Variants in GALNT1 observed in about 807,000 individuals in gnomAD.
GALNT1 encodes polypeptide N-acetylgalactosaminyltransferase 1.
Under a neutral mutation model 65.7 loss-of-function variants are expected in GALNT1, and 17 were observed. The observed-to-expected ratio is 0.26, with a 90% CI of 0.18 to 0.39. GALNT1 has a LOEUF of 0.39. Ranked by LOEUF, GALNT1 falls within the 10% of genes least tolerant of loss-of-function variation. The pLI is 1.00. For synonymous variants in GALNT1, 210 were observed against 219.7 expected (o/e 0.96, Z 0.39); for missense variants, 460 against 672.8 (o/e 0.68, Z 3.50).
rs921371695 is a variant in GALNT1 at position 35,691,148 on chromosome 18, T to C, written c.1115T>C (p.Val372Ala). 2 of 1,602,794 alleles carry C rather than the reference T, an allele frequency of 1.2e-6. No individual in the cohort carries two copies. Among genetic ancestry groups the C allele is most frequent in the African/African-American group, 2.7e-5 (2 of 74,140 alleles). ...AAAAATAACAGACGACTTGCAGAAG[T>C]GTGGATGGATGAATTCAAGAATTTC... ...INKNNRRLAE[V>A]WMDEFKNFFY... Residue 372 changes from valine to alanine, a missense_variant, in exon 8 of 12, where the codon GTG becomes GCG. Coordinates refer to ENST00000269195, the MANE Select transcript of GALNT1 (RefSeq NM_020474.4).
At chr18:35,698,048 GGGTTTATTA>G (rs1425352629) in intron 9 of GALNT1, among the ~76,000 whole-genome samples, 1 of 152,184 alleles carries the variant, frequency 6.6e-6, no homozygotes, top group Non-Finnish European at 1.5e-5. Flanking sequence ...GTGAGAACTT[GGGTTTATTA>G]GCATGTTGTG....
intron 5 of GALNT1, among the ~76,000 whole-genome samples, chr18:35,686,285 T>C (rs966440959): frequency 6.6e-6 from 1 of 152,200 alleles, no homozygotes. Flanking sequence ...CCCAAATTCA[T>C]ATATAAATTC....
Position 35,581,830 on chromosome 18 carries a change from GCCTGC to G in GALNT1, c.-134_-130del, listed in dbSNP as rs2046321916. 4.4e-4 allele frequency: 1 copy of G among 2,294 alleles called. No homozygotes were observed. The highest frequency in any genetic ancestry group is 6.2e-3 in the Admixed American group (1 of 162). The allele number at this position is 2,294 out of a possible 1,614,324, so 0.1% of individuals were successfully genotyped here. ...GACCGCCGCGGCCGGCCCGGAGGAC[GCCTGC>G]CGCCGCCGCCGCCGCGCGCCTAGCG... On this transcript the variant is annotated 5_prime_UTR_variant, in exon 1 of 12. Transcript: ENST00000269195.
At chr18:35,604,623 T>C (rs778969233) in intron 1 of GALNT1, among the ~76,000 whole-genome samples, 1 of 152,176 alleles carries the variant, frequency 6.6e-6, no homozygotes, top group African/African-American at 2.4e-5. Flanking sequence ...TGGTGTGAGG[T>C]GATATCTCAC....
intron 1 of GALNT1, among the ~76,000 whole-genome samples, chr18:35,642,819 G>A (rs2047181774): frequency 6.6e-6 from 1 of 152,088 alleles, no homozygotes; most frequent in South Asian, 2.1e-4. Context: ...AGCAGAAAAG[G>A]GGACTAATAG....
Position 35,692,131 on chromosome 18 carries a change from G to A in GALNT1, c.1160-50G>A, listed in dbSNP as rs766802973. ...TATTAGATTCAATATATAAACATGT[G>A]TTACCTAAAACAACACTAATAATTC... On this transcript the variant is annotated intron_variant, in intron 8 of 11. Coordinates refer to ENST00000269195, the MANE Select transcript of GALNT1 (RefSeq NM_020474.4). 9.3e-5 allele frequency: 140 copies of A among 1,506,374 alleles called. 1 individual carries two copies. Among genetic ancestry groups the A allele is most frequent in the Non-Finnish European group, 1.1e-4 (118 of 1,090,688 alleles). 93.3% of individuals were successfully genotyped at this position (1,506,374 alleles called of 1,614,324 possible). A position where few individuals can be genotyped will look rare whatever the true frequency, so the allele number is the denominator to read the frequency against.
intron 9 of GALNT1, among the ~76,000 whole-genome samples, chr18:35,692,544 A>T (rs2047985308): frequency 6.6e-6 from 1 of 151,846 alleles, no homozygotes; most frequent in South Asian, 2.1e-4. Flanking sequence ...ATGCGCCTGG[A>T]GATAAGCTGT....
intron 1 of GALNT1, among the ~76,000 whole-genome samples, chr18:35,637,124 C>T (rs1347797183): frequency 6.6e-6 from 1 of 152,096 alleles, no homozygotes; most frequent in African/African-American, 2.4e-5. Flanking sequence ...CCCTGTTCCC[C>T]AAGATACAAC....
intron 1 of GALNT1, among the ~76,000 whole-genome samples, chr18:35,643,809 G>A (rs867367009): frequency 1.1e-3 from 158 of 145,362 alleles, no homozygotes; most frequent in South Asian, 5.9e-3. Flanking sequence ...AAAAAAAAAA[G>A]AAAAAAAAAC....
At chr18:35,649,960 G>A (rs933385440) in intron 1 of GALNT1, among the ~76,000 whole-genome samples, 3 of 152,122 alleles carry the variant, frequency 2.0e-5, no homozygotes, top group African/African-American at 7.2e-5. Context: ...CAGTGCCTTT[G>A]CTGTGCCGAA....
intron 2 of GALNT1, among the ~76,000 whole-genome samples, chr18:35,660,134 A>G (rs1299349419): frequency 2.0e-5 from 3 of 152,220 alleles, no homozygotes; most frequent in African/African-American, 4.8e-5. Flanking sequence ...GCATAAGGAC[A>G]GTAAAAATGT....
intron 1 of GALNT1, chr18:35,595,965 A>C (rs962599581): frequency 6.6e-6 from 1 of 152,202 alleles, no homozygotes; most frequent in Non-Finnish European, 1.5e-5. Flanking sequence ...GCATTTTTAA[A>C]AAGTTAAATT....
intron 1 of GALNT1, among the ~76,000 whole-genome samples, chr18:35,633,491 C>T (rs1490746562): frequency 1.5e-5 from 2 of 137,572 alleles, no homozygotes; most frequent in Admixed American, 8.5e-5. Context: ...GGGAACTGAA[C>T]AATGAGAACA....
At chr18:35,620,147 T>G (rs376094737) in intron 1 of GALNT1, among the ~76,000 whole-genome samples, 3 of 152,312 alleles carry the variant, frequency 2.0e-5, no homozygotes, top group East Asian at 3.9e-4. Context: ...CTTTCTGTGT[T>G]GCAGTCTTTA....
intron 1 of GALNT1, among the ~76,000 whole-genome samples, chr18:35,645,068 T>C (rs1423441065): frequency 6.6e-6 from 1 of 152,078 alleles, no homozygotes; most frequent in Non-Finnish European, 1.5e-5. Flanking sequence ...TTGATAAGAA[T>C]TATATTGAAT....
At chr18:35,616,511 T>C (rs2046785311) in intron 1 of GALNT1, among the ~76,000 whole-genome samples, 2 of 152,188 alleles carry the variant, frequency 1.3e-5, no homozygotes, top group Non-Finnish European at 2.9e-5. Context: ...CTTTGGACAC[T>C]GGGTGTTTTT....
intron 1 of GALNT1, among the ~76,000 whole-genome samples, chr18:35,599,609 C>T (rs1044738780): frequency 1.3e-5 from 2 of 152,104 alleles, no homozygotes; most frequent in Non-Finnish European, 2.9e-5. Flanking sequence ...GCAGTCTGCC[C>T]GCCTTGGTCT....
At position 35,654,837 on chromosome 18, in the gene GALNT1, C is replaced by A. The variant is rs777406585; in HGVS notation, c.139+36C>A. On this transcript the variant is annotated intron_variant, in intron 2 of 11. Coordinates refer to ENST00000269195, the MANE Select transcript of GALNT1 (RefSeq NM_020474.4). ...TTTTATAATAGAGCTGTTTTAACTA[C>A]TATATCACTGGTTTTTACTAACTAA... 2.1e-5 allele frequency: 30 copies of A among 1,430,838 alleles called. No individual in the cohort carries two copies. The Admixed American group carries it at 6.6e-4, about 31-fold the overall frequency. 88.6% of individuals were successfully genotyped at this position (1,430,838 alleles called of 1,614,324 possible).
intron 1 of GALNT1, among the ~76,000 whole-genome samples, chr18:35,616,186 G>A (rs945989394): frequency 6.6e-6 from 1 of 152,170 alleles, no homozygotes; most frequent in Non-Finnish European, 1.5e-5. Flanking sequence ...TATGTAAATT[G>A]CAGAGGTAGA....
Sources: gnomAD v4.1 joint callset for allele counts (sites outside exome capture counted in the v4.1 genomes callset) on GRCh38, gnomAD v4.1.1 for gene constraint, MANE v1.5 for transcripts, NCBI Gene and HGNC (gene_info 2026-07-23, HGNC 2026-07-21) for gene names.